The following HSDL2 variants were observed in gnomAD, a reference collection of about 807,000 sequenced individuals.
The protein encoded by HSDL2 is hydroxysteroid dehydrogenase like 2, also known as hydroxysteroid dehydrogenase-like protein 2.
A neutral mutation model predicts 46.3 loss-of-function variants in HSDL2; 27 were observed. The ratio of observed to expected loss-of-function variants is 0.58; its 90% CI spans 0.43 to 0.80. The LOEUF is 0.80. HSDL2 is among the 30% of genes least tolerant of loss of function. HSDL2 has a pLI of 0.00. For missense variants in HSDL2, 451 were observed against 502.7 expected, an observed-to-expected ratio of 0.90 and a Z score of 0.98; for synonymous variants, 153 against 163.6, an observed-to-expected ratio of 0.94 and a Z score of 0.50.
intron 1 of HSDL2, among the ~76,000 whole-genome samples, chr9:112,393,155 C>A (rs140656115): frequency 6.6e-6 from 1 of 152,188 alleles, no homozygotes. Context: ...TAGACTTAAT[C>A]CAAGTCGTGG....
chr9:112,429,478 T>C (rs1832335085), intron 6 of HSDL2, among the ~76,000 whole-genome samples: 1 of 152,182 alleles, frequency 6.6e-6, no homozygotes, highest in African/African-American at 2.4e-5. Flanking sequence ...TTTGGGATCC[T>C]GGGGTAACAA....
rs192247740 is a variant in HSDL2, at chr9:112,398,872, C to T, written c.18-5123C>T. ...ATATTTTCCATAGGTACCTGAACTC[C>T]TCCCTGTTTTAACAGGAGTTTAATA... On this transcript the variant is annotated intron_variant, in intron 1 of 10. Transcript: ENST00000398805. Among the ~76,000 whole-genome samples the T allele has an allele frequency of 4.3e-4, 66 of 152,284 alleles. No individual in the cohort carries two copies. In the South Asian group the frequency reaches 5.6e-3, roughly 13 times the overall value.
chr9:112,380,311 G>C lies in HSDL2; in HGVS notation c.17+131G>C, dbSNP rs1831054563. 4 of 834,482 alleles carry C rather than the reference G, an allele frequency of 4.8e-6. No homozygotes were observed. In the South Asian group the frequency reaches 7.1e-5, roughly 15 times the overall value. 51.7% of individuals were successfully genotyped at this position (834,482 alleles called of 1,614,324 possible). A position where few individuals can be genotyped will look rare whatever the true frequency, so the allele number is the denominator to read the frequency against. On this transcript the variant is annotated intron_variant, in intron 1 of 10. Coordinates refer to ENST00000398805, the MANE Select transcript of HSDL2 (RefSeq NM_032303.5). ...CAAGGATACTGCCTGGGCACGCTCTGAGCTCTGGTCCGCGCTGGGCACTGT... is the reference window on the plus strand; with the variant it reads ...CAAGGATACTGCCTGGGCACGCTCTCAGCTCTGGTCCGCGCTGGGCACTGT...
intron 8 of HSDL2, among the ~76,000 whole-genome samples, chr9:112,445,035 CGTCCAG>C (rs1564127050): frequency 6.6e-6 from 1 of 151,942 alleles, no homozygotes; most frequent in Non-Finnish European, 1.5e-5. Context: ...CATGCCACCA[CGTCCAG>C]CTAATTTTTA....
chr9:112,423,264 G>A (rs1832165068), intron 6 of HSDL2, among the ~76,000 whole-genome samples: 1 of 152,200 alleles, frequency 6.6e-6, no homozygotes, highest in South Asian at 2.1e-4. Flanking sequence ...TTTAATAATT[G>A]TCTCTAGCCA....
At chr9:112,397,411 C>T (rs531851701) in intron 1 of HSDL2, among the ~76,000 whole-genome samples, 6 of 152,290 alleles carry the variant, frequency 3.9e-5, no homozygotes, top group African/African-American at 7.2e-5. Context: ...ATACCTTGAG[C>T]GTGCTCATCA....
chr9:112,447,883 T>A (rs763100948), intron 8 of HSDL2, among the ~76,000 whole-genome samples: 1 of 152,218 alleles, frequency 6.6e-6, no homozygotes, highest in Admixed American at 6.5e-5. Context: ...TTAACTTTTG[T>A]ATGTTCTGTA....
At chr9:112,438,407 T>C (rs1461446752) in intron 6 of HSDL2, 24 bp from the exon 7 acceptor site, 2 of 1,352,664 alleles carry the variant, frequency 1.5e-6, no homozygotes, top group South Asian at 3.2e-5. Context: ...TATGAGTGTA[T>C]GTGTGTGTGT....
chr9:112,462,832 T>C (rs1833254649), intron 10 of HSDL2, among the ~76,000 whole-genome samples: 1 of 152,214 alleles, frequency 6.6e-6, no homozygotes, highest in Non-Finnish European at 1.5e-5. Flanking sequence ...CATGTCTCTT[T>C]GCAGTCGATC....
chr9:112,402,650 C>T (rs373278391), intron 1 of HSDL2, among the ~76,000 whole-genome samples: 1 of 151,836 alleles, frequency 6.6e-6, no homozygotes, highest in East Asian at 1.9e-4. Context: ...TAGCCGGGCG[C>T]GGTGGCTCAT....
At chr9:112,408,008 A>G (rs752796445) in intron 3 of HSDL2, among the ~76,000 whole-genome samples, 32 of 152,252 alleles carry the variant, frequency 2.1e-4, no homozygotes, top group Non-Finnish European at 4.1e-4. Context: ...TTGCAGAAAT[A>G]GTAGTTACTC....
intron 1 of HSDL2, among the ~76,000 whole-genome samples, chr9:112,393,293 T>A (rs1335543712): frequency 6.6e-6 from 1 of 152,202 alleles, no homozygotes; most frequent in South Asian, 2.1e-4. Context: ...ATAAATGATC[T>A]TCCCTACCCA....
intron 10 of HSDL2, among the ~76,000 whole-genome samples, chr9:112,465,239 T>C (rs772272703): frequency 5.9e-5 from 9 of 152,132 alleles, no homozygotes; most frequent in Non-Finnish European, 1.0e-4. Flanking sequence ...AGCAATTCTC[T>C]TGCCTCAGTC....
At chr9:112,459,088 G>C (rs920609960) in intron 9 of HSDL2, among the ~76,000 whole-genome samples, 1 of 152,142 alleles carries the variant, frequency 6.6e-6, no homozygotes, top group Non-Finnish European at 1.5e-5. Context: ...GTGAAACTCT[G>C]TACCCATTAA....
chr9:112,380,378 T>A (rs1188619550), intron 1 of HSDL2, among the ~76,000 whole-genome samples, 198 bp downstream of exon 1: 1 of 151,488 alleles, frequency 6.6e-6, no homozygotes, highest in Non-Finnish European at 1.5e-5. Flanking sequence ...GAACACAAAC[T>A]TTTGTATTAC....
At position 112,465,381 on chromosome 9, in the gene HSDL2, G is replaced by T. The variant is rs140499027; in HGVS notation, c.1145-5051G>T. Among the ~76,000 whole-genome samples the T allele has an allele frequency of 1.7e-3, 257 of 152,232 alleles. 1 individual carries two copies. Among genetic ancestry groups the T allele is most frequent in the African/African-American group, 5.9e-3 (244 of 41,552 alleles). ...TGACCTCAGGCAATCCTCCTGCCTCGGCCTGCCAAAGTGCTGGGATTACAG... is the reference window on the plus strand; with the variant it reads ...TGACCTCAGGCAATCCTCCTGCCTCTGCCTGCCAAAGTGCTGGGATTACAG... On this transcript the variant is annotated intron_variant, in intron 10 of 10. Coordinates refer to ENST00000398805, the MANE Select transcript of HSDL2 (RefSeq NM_032303.5).
intron 1 of HSDL2, among the ~76,000 whole-genome samples, chr9:112,386,885 A>G (rs1385528130): frequency 6.6e-6 from 1 of 152,240 alleles, no homozygotes; most frequent in African/African-American, 2.4e-5. Context: ...TATGGACTCC[A>G]CTACAGGACA....
Position 112,418,876 on chromosome 9 carries a change from GTATGGTATGTC to G in HSDL2, c.521_531del (p.Gly174ValfsTer10). On this transcript the variant is annotated frameshift_variant, in exon 6 of 11. Coordinates refer to ENST00000398805, the MANE Select transcript of HSDL2 (RefSeq NM_032303.5). LOFTEE classifies it high-confidence loss of function. ...TTCTTTCAGCTTATACCATTGCTAA[GTATGGTATGTC>G]TATGTATGTGCTTGGAATGGCAGAA... The G allele has an allele frequency of 6.3e-7, 1 of 1,587,178 alleles. No individual in the cohort carries two copies. The highest frequency in any genetic ancestry group is 8.6e-7 in the Non-Finnish European group (1 of 1,158,924).
chr9:112,409,070 G>T (rs1304331278), intron 4 of HSDL2, 49 bp downstream of exon 4: 1 of 1,046,442 alleles, frequency 9.6e-7, no homozygotes, highest in African/African-American at 1.6e-5. Context: ...GTGTTTCTCA[G>T]GGAACTTACA....
Sources: gnomAD v4.1 joint callset for allele counts (sites outside exome capture counted in the v4.1 genomes callset) on GRCh38, gnomAD v4.1.1 for gene constraint, MANE v1.5 for transcripts, NCBI Gene and HGNC (gene_info 2026-07-23, HGNC 2026-07-21) for gene names.